RBM44: variants seen among roughly 807,000 people sequenced by gnomAD.
RBM44 encodes the protein RNA binding motif protein 44, also known as RNA-binding protein 44.
A neutral mutation model predicts 105.1 loss-of-function variants in RBM44; 66 were observed. The ratio of observed to expected loss-of-function variants is 0.63; its 90% CI spans 0.52 to 0.77. The LOEUF is 0.77. RBM44 is among the 30% of genes least tolerant of loss of function. The pLI, the probability that RBM44 is intolerant of heterozygous loss-of-function variation, is 0.00. For missense variants in RBM44, 1,122 were observed against 1,207.8 expected (o/e 0.93, Z 1.05); for synonymous variants, 365 against 417.6 (o/e 0.87, Z 1.54).
At chr2:237,836,921 G>C (rs1192478283) in intron 15 of RBM44, among the ~76,000 whole-genome samples, 2 of 152,002 alleles carry the variant, frequency 1.3e-5, no homozygotes, top group Admixed American at 6.6e-5. Flanking sequence ...ATGAGCCACT[G>C]AGCCCAGCCT....
chr2:237,811,903 G>T (rs983724989), intron 1 of RBM44, among the ~76,000 whole-genome samples: 6 of 152,106 alleles, frequency 3.9e-5, no homozygotes, highest in Admixed American at 2.0e-4. Context: ...CACCCAGGCT[G>T]GAGTGCATTA....
At chr2:237,809,164 TA>T (rs1459788601) in intron 1 of RBM44, among the ~76,000 whole-genome samples, 3 of 152,304 alleles carry the variant, frequency 2.0e-5, no homozygotes, top group Admixed American at 6.5e-5. Context: ...CTAGTCTATA[TA>T]TTTTTTTAAT....
chr2:237,811,024 T>G (rs1461913624), intron 1 of RBM44, among the ~76,000 whole-genome samples: 2 of 152,042 alleles, frequency 1.3e-5, no homozygotes, highest in Non-Finnish European at 2.9e-5. Context: ...AGGTTAAGTT[T>G]GAATGTCACG....
Position 237,821,319 on chromosome 2 carries a change from AT to A in RBM44, c.2098-19del, listed in dbSNP as rs376362180. The A allele has an allele frequency of 5.7e-5, 89 of 1,560,674 alleles. 1 individual carries two copies. The African/African-American group carries it at 9.9e-4, about 17-fold the overall frequency. On this transcript the variant is annotated intron_variant, in intron 6 of 15. Transcript: ENST00000316997. ...TTTAGACAAAACATTTTAAACAAAGATTTTTTTTCCTTTTCTCTCCTTCCAG... is the reference window on the plus strand; with the variant it reads ...TTTAGACAAAACATTTTAAACAAAGATTTTTTTCCTTTTCTCTCCTTCCAG...
At chr2:237,804,926 G>C (rs2061583138) in intron 1 of RBM44, among the ~76,000 whole-genome samples, 2 of 152,132 alleles carry the variant, frequency 1.3e-5, no homozygotes, top group Admixed American at 6.5e-5. Context: ...TTCCTCCTGA[G>C]AACTGGAACA....
In RBM44 at chr2:237,823,364, G is replaced by A. The variant is rs896827687; in HGVS notation, c.2206-76G>A. On this transcript the variant is annotated intron_variant, in intron 8 of 15. Transcript: ENST00000316997. ...ACTGTAAAGGCTGAATAATGCCAGTGAAGAGTACCTGTCACATAGTAAGAG... is the reference window on the plus strand; with the variant it reads ...ACTGTAAAGGCTGAATAATGCCAGTAAAGAGTACCTGTCACATAGTAAGAG... 8 of 670,768 alleles carry A rather than the reference G, an allele frequency of 1.2e-5. No individual in the cohort carries two copies. In the African/African-American group the frequency reaches 1.3e-4, roughly 11 times the overall value. The allele number at this position is 670,768 out of a possible 1,614,324, so 41.6% of individuals were successfully genotyped here. A position where few individuals can be genotyped will look rare whatever the true frequency, so the allele number is the denominator to read the frequency against.
At chr2:237,827,608 C>CCTG in intron 12 of RBM44, 105 bp downstream of exon 12, 1 of 705,564 alleles carries the variant, frequency 1.4e-6, no homozygotes, top group East Asian at 2.7e-5. Context: ...AAGGGTTATT[C>CCTG]TCACAGGGTT....
chr2:237,822,349 A>G (rs960370699), intron 8 of RBM44, among the ~76,000 whole-genome samples: 3 of 152,084 alleles, frequency 2.0e-5, no homozygotes, highest in Non-Finnish European at 2.9e-5. Context: ...GTCAGATGAC[A>G]ACCAAGAAGG....
chr2:237,842,629 TATA>T lies in RBM44; in HGVS notation c.*817_*819del, dbSNP rs2062022992. 6.6e-6 allele frequency: 1 copy of T among 152,108 alleles called. No homozygotes were observed. Among genetic ancestry groups the T allele is most frequent in the African/African-American group, 2.4e-5 (1 of 41,448 alleles). The allele number at this position is 152,108 out of a possible 1,614,324, so 9.4% of individuals were successfully genotyped here. A position where few individuals can be genotyped will look rare whatever the true frequency, so the allele number is the denominator to read the frequency against. On this transcript the variant is annotated 3_prime_UTR_variant, in exon 16 of 16. Coordinates refer to ENST00000316997, the MANE Select transcript of RBM44 (RefSeq NM_001080504.3). ...TTAATTGCTTACTTTTTAAAAGTAATATAATATTTAAGTTGCATTTTTATTAAT... is the reference window on the plus strand; with the variant it reads ...TTAATTGCTTACTTTTTAAAAGTAATATATTTAAGTTGCATTTTTATTAAT...
intron 1 of RBM44, among the ~76,000 whole-genome samples, chr2:237,812,546 A>C (rs1451030170): frequency 6.6e-6 from 1 of 152,218 alleles, no homozygotes; most frequent in Non-Finnish European, 1.5e-5. Context: ...TCCTTGTAGA[A>C]CAGAGACAGT....
Position 237,818,729 on chromosome 2 carries a change from G to T in RBM44, c.1677+133G>T. On this transcript the variant is annotated intron_variant, in intron 3 of 15. Transcript: ENST00000316997. The surrounding 1 kb of genome is among the most constrained non-coding windows in gnomAD (Gnocchi z 4.6). Reference sequence around the variant, plus strand: ...AGATGAGGGGAGTAAATTAAAAAGGGAGTAAATTAAAAAGTAAATTAAAAA... The same window carrying T: ...AGATGAGGGGAGTAAATTAAAAAGGTAGTAAATTAAAAAGTAAATTAAAAA... The T allele has an allele frequency of 1.4e-6, 1 of 695,496 alleles. No individual in the cohort carries two copies. Among genetic ancestry groups the T allele is most frequent in the South Asian group, 2.5e-5 (1 of 39,418 alleles). 43.1% of individuals were successfully genotyped at this position (695,496 alleles called of 1,614,324 possible). A position where few individuals can be genotyped will look rare whatever the true frequency, so the allele number is the denominator to read the frequency against.
At chr2:237,832,145 C>A (rs2150988399) in intron 13 of RBM44, among the ~76,000 whole-genome samples, 1 of 150,658 alleles carries the variant, frequency 6.6e-6, no homozygotes, top group Middle Eastern at 3.4e-3. Flanking sequence ...GCTTCATGTT[C>A]TAATTTCAGT....
At position 237,803,056 on chromosome 2, in the gene RBM44, C is replaced by T. The variant is rs112639554; in HGVS notation, c.-19+4195C>T. On this transcript the variant is annotated intron_variant, in intron 1 of 15. Transcript: ENST00000316997. This position sits in a 1 kb window ranked among gnomAD's most constrained non-coding sequence, Gnocchi z 4.2. ...CCGAGGCGGGTGGATCACTTGAGGT[C>T]AGGAGTTCAAGACCAACCTGGCCAA... 0.024 allele frequency among the ~76,000 whole-genome samples: 3,705 copies of T among 152,244 alleles called. 151 individuals carry two copies. The highest frequency in any genetic ancestry group is 0.082 in the African/African-American group (3,422 of 41,504).
rs2062010354 is a variant in RBM44 at position 237,841,351 on chromosome 2, A to T, written c.*23-488A>T. Among the ~76,000 whole-genome samples, 3 of 152,184 alleles carry T rather than the reference A, an allele frequency of 2.0e-5. No homozygotes were observed. Among genetic ancestry groups the T allele is most frequent in the Admixed American group, 2.0e-4 (3 of 15,278 alleles). On this transcript the variant is annotated intron_variant, in intron 15 of 15. Transcript: ENST00000316997. This position sits in a 1 kb window ranked among gnomAD's most constrained non-coding sequence, Gnocchi z 4.5. The stretch of plus-strand genomic sequence containing the variant: ...CAAATACCACGTGATCTTACTTATA[A>T]ATGGCAGCTAAACTTTGAGTACACA...
At chr2:237,831,413 T>C (rs2061902169) in intron 13 of RBM44, among the ~76,000 whole-genome samples, 1 of 152,118 alleles carries the variant, frequency 6.6e-6, no homozygotes, top group African/African-American at 2.4e-5. Flanking sequence ...CCTGAGTAGC[T>C]GGGATTATAG....
chr2:237,834,607 A>G (rs2061938128), intron 15 of RBM44, 184 bp downstream of exon 15: 1 of 286,644 alleles, frequency 3.5e-6, no homozygotes, highest in Non-Finnish European at 6.3e-6. Context: ...AATTACCCTA[A>G]AATTGACTGG....
intron 15 of RBM44, among the ~76,000 whole-genome samples, chr2:237,835,143 T>C (rs901897455): frequency 1.3e-5 from 2 of 152,242 alleles, no homozygotes; most frequent in African/African-American, 4.8e-5. Flanking sequence ...TGTAATTATT[T>C]TGGGGCACTT....
chr2:237,818,439 C>G lies in RBM44; in HGVS notation c.1520C>G (p.Pro507Arg). ...ATAACAATGATGAATAAAAAACGAC[C>G]TGATGAATGGCAAAATGAGAAACAA... ...TEITMMNKKR[P>R]DEWQNEKQKS... is the part of the protein sequence containing the mutation. The change falls in exon 3 of 16, where the codon CCT becomes CGT. Residue 507 changes from proline to arginine, a missense_variant. By Grantham distance (103) the Pro-to-Arg change is moderately radical. Around this residue, in one of 3 missense-constraint regions of RBM44, gnomAD observed 918 missense variants for 955.3 expected, o/e 0.96. Coordinates refer to ENST00000316997, the MANE Select transcript of RBM44 (RefSeq NM_001080504.3). This position sits in a 1 kb window ranked among gnomAD's most constrained non-coding sequence, Gnocchi z 4.6. The G allele has an allele frequency of 6.2e-7, 1 of 1,613,036 alleles. No homozygotes were observed. Among genetic ancestry groups the G allele is most frequent in the Non-Finnish European group, 8.5e-7 (1 of 1,179,500 alleles).
At chr2:237,816,938 T>C in intron 2 of RBM44, 55 bp from the exon 3 acceptor site, 1 of 1,099,332 alleles carries the variant, frequency 9.1e-7, no homozygotes, top group South Asian at 1.8e-5. Context: ...AAGGTTTTTC[T>C]AGTGTCTAGA....
Sources: gnomAD v4.1 joint callset for allele counts (sites outside exome capture counted in the v4.1 genomes callset) on GRCh38, gnomAD v4.1.1 for gene constraint, gnomAD v4.1.1 regional missense constraint, Gnocchi (gnomAD v3.1) non-coding constraint, MANE v1.5 for transcripts, NCBI Gene and HGNC (gene_info 2026-07-23, HGNC 2026-07-21) for gene names.